The following RAB11FIP4 variants were observed in gnomAD, a reference collection of about 807,000 sequenced individuals.
The protein encoded by RAB11FIP4 is RAB11 family interacting protein 4, also known as rab11 family-interacting protein 4.
RAB11FIP4 carries 23 observed loss-of-function variants against 74.3 expected under a neutral mutation model. The ratio of observed to expected loss-of-function variants is 0.31; its 90% CI spans 0.22 to 0.44. The LOEUF (loss-of-function observed/expected upper bound fraction) is 0.44. RAB11FIP4 is among the 20% of genes least tolerant of loss of function. RAB11FIP4 has a pLI of 1.00. For missense variants in RAB11FIP4, 630 were observed against 863.9 expected (o/e 0.73, Z 3.39); for synonymous variants, 360 against 359.9 (o/e 1.00, Z 0.00).
At chr17:31,420,947 G>T (rs1326931381) in intron 1 of RAB11FIP4, among the ~76,000 whole-genome samples, 1 of 152,002 alleles carries the variant, frequency 6.6e-6, no homozygotes, top group East Asian at 1.9e-4. Context: ...AGCCAGGCAT[G>T]GTGGTGCATG....
rs750914865 is a variant in RAB11FIP4, at chr17:31,533,978, C to T, written c.*2246C>T. The T allele has an allele frequency of 4.6e-5, 7 of 152,214 alleles. No individual in the cohort carries two copies. The highest frequency in any genetic ancestry group is 4.4e-5 in the Non-Finnish European group (3 of 68,042). The allele number at this position is 152,214 out of a possible 1,614,324, so 9.4% of individuals were successfully genotyped here. A position where few individuals can be genotyped will look rare whatever the true frequency, so the allele number is the denominator to read the frequency against. ...AGCCAGAATACATTTCTTGTAAAACCTGGCTTGTTGCTTGGCTTTTAAAGA... is the reference window on the plus strand; with the variant it reads ...AGCCAGAATACATTTCTTGTAAAACTTGGCTTGTTGCTTGGCTTTTAAAGA... On this transcript the variant is annotated 3_prime_UTR_variant, in exon 15 of 15. Transcript: ENST00000621161.
chr17:31,425,537 T>A (rs945882177), intron 1 of RAB11FIP4, among the ~76,000 whole-genome samples: 6 of 152,108 alleles, frequency 3.9e-5, no homozygotes, highest in Non-Finnish European at 7.3e-5. Flanking sequence ...CTTTTTAACA[T>A]CATCTGGTCT....
chr17:31,521,793 C>A, intron 5 of RAB11FIP4, 122 bp from the exon 6 acceptor site: 1 of 1,110,762 alleles, frequency 9.0e-7, no homozygotes, highest in Non-Finnish European at 1.3e-6. Context: ...CCACTCCCTG[C>A]CCCTCCCCCG....
intron 3 of RAB11FIP4, among the ~76,000 whole-genome samples, chr17:31,498,709 G>C (rs1196315831): frequency 6.6e-6 from 1 of 152,230 alleles, no homozygotes; most frequent in African/African-American, 2.4e-5. Context: ...CTCTCCTTGA[G>C]TTGGATAGTG....
intron 3 of RAB11FIP4, among the ~76,000 whole-genome samples, chr17:31,436,365 G>A (rs1387860519): frequency 1.3e-5 from 2 of 150,762 alleles, no homozygotes; most frequent in Non-Finnish European, 2.9e-5. Context: ...GGATACTGGT[G>A]TTGCAAAATT....
At chr17:31,484,269 T>C (rs7225368) in intron 3 of RAB11FIP4, among the ~76,000 whole-genome samples, 96,742 of 151,366 alleles carry the variant, frequency 0.64, 31,539 homozygotes, top group East Asian at 0.81. Flanking sequence ...CAGGGTTTCG[T>C]CACGTTGGCC....
At chr17:31,507,123 C>CA (rs1419021400) in intron 3 of RAB11FIP4, among the ~76,000 whole-genome samples, 1 of 152,016 alleles carries the variant, frequency 6.6e-6, no homozygotes, top group African/African-American at 2.4e-5. Context: ...ACTAAAGATA[C>CA]AAAAAATTAG....
intron 3 of RAB11FIP4, among the ~76,000 whole-genome samples, chr17:31,445,061 A>G (rs570707581): frequency 6.6e-6 from 1 of 152,258 alleles, no homozygotes; most frequent in South Asian, 2.1e-4. Flanking sequence ...CAGAGGCTGA[A>G]CTGGGATATC....
At chr17:31,403,958 G>A (rs1260233737) in intron 1 of RAB11FIP4, among the ~76,000 whole-genome samples, 1 of 152,212 alleles carries the variant, frequency 6.6e-6, no homozygotes, top group Non-Finnish European at 1.5e-5. Flanking sequence ...AGGATGGGCG[G>A]CCAGGGGCCC....
intron 1 of RAB11FIP4, among the ~76,000 whole-genome samples, chr17:31,428,108 C>T (rs553962670): frequency 6.6e-6 from 1 of 152,140 alleles, no homozygotes; most frequent in Non-Finnish European, 1.5e-5. Context: ...CAGCTGGAAT[C>T]AAGATGCAAG....
intron 1 of RAB11FIP4, among the ~76,000 whole-genome samples, chr17:31,404,211 A>T (rs544932689): frequency 3.3e-4 from 51 of 152,284 alleles, no homozygotes; most frequent in African/African-American, 1.2e-3. Context: ...CGTGGACCAC[A>T]CACTCCTGTT....
intron 1 of RAB11FIP4, chr17:31,392,310 C>A: frequency 4.1e-6 from 1 of 246,058 alleles, no homozygotes; most frequent in Non-Finnish European, 7.8e-6. Context: ...GCACATCCAC[C>A]CTTGTCTGGG....
intron 3 of RAB11FIP4, among the ~76,000 whole-genome samples, chr17:31,479,730 C>G (rs1197995235): frequency 6.6e-6 from 1 of 152,142 alleles, no homozygotes; most frequent in Non-Finnish European, 1.5e-5. Context: ...GCCTGGTGGA[C>G]AGAGGAGGCC....
intron 3 of RAB11FIP4, among the ~76,000 whole-genome samples, chr17:31,434,767 G>A (rs866933976): frequency 6.6e-6 from 1 of 152,354 alleles, no homozygotes; most frequent in Non-Finnish European, 1.5e-5. Context: ...TTAGCCACAC[G>A]GAAGAGATGT....
chr17:31,420,566 CTCTT>C (rs902638137), intron 1 of RAB11FIP4, among the ~76,000 whole-genome samples: 1 of 151,528 alleles, frequency 6.6e-6, no homozygotes, highest in African/African-American at 2.4e-5. Context: ...TATTCTCTCT[CTCTT>C]TCTCTCTGTC....
At chr17:31,488,344 C>A (rs1338436536) in intron 3 of RAB11FIP4, 2 of 1,115,494 alleles carry the variant, frequency 1.8e-6, no homozygotes, top group East Asian at 4.6e-5. Flanking sequence ...CGGCCCGCGG[C>A]CCCGGGAAGT....
intron 1 of RAB11FIP4, among the ~76,000 whole-genome samples, chr17:31,409,359 C>CTAT (rs959668325): frequency 1.3e-5 from 2 of 152,172 alleles, no homozygotes; most frequent in African/African-American, 4.8e-5. Context: ...TTCCCAGCAT[C>CTAT]TATTAAATGT....
chr17:31,493,580 C>T (rs975905610), intron 3 of RAB11FIP4, among the ~76,000 whole-genome samples: 7 of 152,280 alleles, frequency 4.6e-5, no homozygotes, highest in Non-Finnish European at 8.8e-5. Flanking sequence ...CCTGCTCCCT[C>T]GTTTTCCTGG....
intron 1 of RAB11FIP4, among the ~76,000 whole-genome samples, chr17:31,409,698 C>G (rs1000773827): frequency 6.6e-6 from 1 of 152,202 alleles, no homozygotes; most frequent in Admixed American, 6.5e-5. Flanking sequence ...TGCTGGGTTT[C>G]TGCAGCCCTC....
Sources: gnomAD v4.1 joint callset for allele counts (sites outside exome capture counted in the v4.1 genomes callset) on GRCh38, gnomAD v4.1.1 for gene constraint, MANE v1.5 for transcripts, NCBI Gene and HGNC (gene_info 2026-07-23, HGNC 2026-07-21) for gene names.